CTCFL: variants seen among roughly 807,000 people sequenced by gnomAD.
CTCFL encodes the protein CCCTC-binding factor like.
CTCFL carries 36 observed loss-of-function variants against 67.4 expected under a neutral mutation model. The observed-to-expected ratio is 0.53, with a 90% CI of 0.41 to 0.71. The LOEUF (loss-of-function observed/expected upper bound fraction) is 0.71. Ranked by LOEUF, CTCFL falls within the 30% of genes least tolerant of loss-of-function variation. CTCFL has a pLI of 0.00. For missense variants in CTCFL, 786 were observed against 835.2 expected (o/e 0.94, Z 0.73); for synonymous variants, 324 against 302.3 (o/e 1.07, Z -0.75).
At chr20:57,523,578 C>G in intron 2 of CTCFL, 85 bp downstream of exon 2, 1 of 1,517,242 alleles carries the variant, frequency 6.6e-7, no homozygotes, top group Non-Finnish European at 8.8e-7. Flanking sequence ...CTGCAAAATA[C>G]CTTGTCCAGA....
intron 9 of CTCFL, among the ~76,000 whole-genome samples, chr20:57,504,244 G>A (rs2068072406): frequency 6.7e-6 from 1 of 149,062 alleles, no homozygotes; most frequent in Non-Finnish European, 1.5e-5. Context: ...CCAGAGTGCT[G>A]GGATTACAGG....
In CTCFL at chr20:57,503,550, C is replaced by T; in HGVS notation, c.1726G>A (p.Ala576Thr). 6.2e-7 allele frequency: 1 copy of T among 1,614,070 alleles called. No individual in the cohort carries two copies. Among genetic ancestry groups the T allele is most frequent in the Non-Finnish European group, 8.5e-7 (1 of 1,180,006 alleles). The change falls in exon 10 of 11, where the codon GCT becomes ACT. Residue 576 changes from alanine (A) to threonine (T), a missense_variant. Physicochemically the swap from Ala to Thr is moderately conservative, Grantham distance 58. Around this residue, in one of 3 missense-constraint regions of CTCFL, gnomAD observed 199 missense variants for 196.7 expected, o/e 1.01. Coordinates refer to ENST00000243914, the MANE Select transcript of CTCFL (RefSeq NM_001386993.1). Reference protein sequence around the residue: ...EKCGSGEAKSAASGKGRRTRK... With the variant: ...EKCGSGEAKSTASGKGRRTRK... ...GTTCTTCTTCCCTTTCCTGAAGCAG[C>T]CGACTTTGCTTCCCCTGATCCACAC...
At chr20:57,513,367 G>A in intron 7 of CTCFL, 1 of 986,734 alleles carries the variant, frequency 1.0e-6, no homozygotes, top group Non-Finnish European at 1.2e-6. Context: ...TGTGATACTT[G>A]TGTAAGAAGC....
chr20:57,512,536 C>G (rs1026981496), intron 8 of CTCFL, 56 bp downstream of exon 8: 1 of 1,557,804 alleles, frequency 6.4e-7, no homozygotes, highest in Non-Finnish European at 8.8e-7. Context: ...GAATCCCACC[C>G]AGCCCTCCAT....
intron 9 of CTCFL, among the ~76,000 whole-genome samples, chr20:57,504,909 T>C (rs1318088644): frequency 1.3e-5 from 2 of 151,974 alleles, no homozygotes; most frequent in Admixed American, 1.3e-4. Flanking sequence ...GTATCCTCCA[T>C]GCGCTGATTT....
rs575572868 is a variant in CTCFL, at chr20:57,515,010, G to A, written c.1181-269C>T. The A allele has an allele frequency of 4.5e-5, 20 of 446,482 alleles. No individual in the cohort carries two copies. The East Asian group carries it at 6.4e-4, about 14-fold the overall frequency. The allele number at this position is 446,482 out of a possible 1,614,324, so 27.7% of individuals were successfully genotyped here. A position where few individuals can be genotyped will look rare whatever the true frequency, so the allele number is the denominator to read the frequency against. On this transcript the variant is annotated intron_variant, in intron 6 of 10. Transcript: ENST00000243914. ...GTGGTTCACATCCATGGGGCTGTAC[G>A]AATAACCAAGAAGTACACATAAATG...
At chr20:57,523,314 G>C in intron 2 of CTCFL, 36 bp from the exon 3 acceptor site, 2 of 1,567,668 alleles carry the variant, frequency 1.3e-6, no homozygotes, top group East Asian at 2.2e-5. Context: ...TGATACTATT[G>C]ATTTCAGTAT....
At chr20:57,504,265 T>A (rs148132832) in intron 9 of CTCFL, among the ~76,000 whole-genome samples, 3 of 146,760 alleles carry the variant, frequency 2.0e-5, no homozygotes, top group African/African-American at 7.5e-5. Flanking sequence ...CATGAGCCAC[T>A]GCACCCGCCC....
chr20:57,512,562 T>C, intron 8 of CTCFL, 30 bp downstream of exon 8: 1 of 1,607,988 alleles, frequency 6.2e-7, no homozygotes, highest in East Asian at 2.2e-5. Context: ...CATACACCAC[T>C]GCCTCTCCAA....
downstream of CTCFL, chr20:57,496,173 C>T: frequency 2.0e-6 from 1 of 511,930 alleles, no homozygotes; most frequent in Admixed American, 3.1e-5. Flanking sequence ...TTGGTGCTGT[C>T]CTCATGACAG....
chr20:57,515,898 A>G, intron 5 of CTCFL, 64 bp from the exon 6 acceptor site: 1 of 1,512,488 alleles, frequency 6.6e-7, no homozygotes, highest in Admixed American at 1.9e-5. Flanking sequence ...TCTTCCATTA[A>G]TCAGCATTGT....
chr20:57,520,630 A>G (rs980125202), intron 3 of CTCFL, among the ~76,000 whole-genome samples: 2 of 152,218 alleles, frequency 1.3e-5, no homozygotes, highest in African/African-American at 4.8e-5. Context: ...GGCCTTGAAA[A>G]TAACAATCCA....
chr20:57,509,230 T>C (rs1285905935), intron 8 of CTCFL, among the ~76,000 whole-genome samples: 5 of 152,062 alleles, frequency 3.3e-5, no homozygotes, highest in Non-Finnish European at 4.4e-5. Context: ...GTACCTTAAG[T>C]ATCAACATTT....
chr20:57,496,885 T>C (rs1246447283), downstream of CTCFL, among the ~76,000 whole-genome samples: 1 of 152,228 alleles, frequency 6.6e-6, no homozygotes, highest in Non-Finnish European at 1.5e-5. Flanking sequence ...TTTGACTATT[T>C]TGAAAAATGC....
At chr20:57,525,185 G>T (rs13040275), upstream of CTCFL, 38,171 of 145,960 alleles carry the variant, frequency 0.26, 5,780 homozygotes, top group Middle Eastern at 0.43. Context: ...GAGGGGGCGT[G>T]AAGGGGGCGG....
At chr20:57,516,725 A>T (rs963629353) in intron 5 of CTCFL, among the ~76,000 whole-genome samples, 1 of 152,172 alleles carries the variant, frequency 6.6e-6, no homozygotes, top group Admixed American at 6.5e-5. Context: ...TCCTAAGAAG[A>T]ATTAAGTTTT....
At chr20:57,496,402 C>T, downstream of CTCFL, 1 of 545,324 alleles carries the variant, frequency 1.8e-6, no homozygotes, top group Non-Finnish European at 3.3e-6. Flanking sequence ...TATAAATTAC[C>T]CAGTTTCAGG....
chr20:57,513,960 T>A (rs964777904), intron 7 of CTCFL: 3 of 1,180,436 alleles, frequency 2.5e-6, no homozygotes, highest in African/African-American at 3.2e-5. Context: ...ACAGGCAGTA[T>A]CAAATCCCAG....
intron 7 of CTCFL, chr20:57,513,549 A>G (rs1600662879): frequency 9.1e-7 from 1 of 1,103,708 alleles, no homozygotes; most frequent in East Asian, 7.8e-5. Flanking sequence ...AGATGGATAT[A>G]AACCATGTTA....
Sources: gnomAD v4.1 joint callset for allele counts (sites outside exome capture counted in the v4.1 genomes callset) on GRCh38, gnomAD v4.1.1 for gene constraint, gnomAD v4.1.1 regional missense constraint, MANE v1.5 for transcripts, NCBI Gene and HGNC (gene_info 2026-07-23, HGNC 2026-07-21) for gene names.